ZNF365: variants seen among roughly 807,000 people sequenced by gnomAD.
ZNF365 encodes zinc finger protein 365.
A neutral mutation model predicts 35.0 loss-of-function variants in ZNF365; 22 were observed. That is an observed-to-expected ratio of 0.63 (90% CI 0.45 to 0.90). The LOEUF is 0.90. Ranked by LOEUF, ZNF365 falls within the 40% of genes least tolerant of loss-of-function variation. ZNF365 has a pLI of 0.00. For missense variants in ZNF365, 448 were observed against 500.3 expected (o/e 0.90, Z 1.00); for synonymous variants, 188 against 196.2 (o/e 0.96, Z 0.35).
intron 3 of ZNF365, among the ~76,000 whole-genome samples, chr10:62,397,375 C>G (rs959793784): frequency 6.6e-6 from 1 of 152,094 alleles, no homozygotes; most frequent in Admixed American, 6.5e-5. Context: ...CATTTTAGTA[C>G]AGCAGGGACA....
At chr10:62,437,911 T>G (rs1426935954) in intron 3 of ZNF365, among the ~76,000 whole-genome samples, 2 of 152,170 alleles carry the variant, frequency 1.3e-5, no homozygotes, top group African/African-American at 4.8e-5. Context: ...TGAGATTTGG[T>G]TTGATGAGTT....
chr10:62,398,081 C>G (rs1044125574), intron 3 of ZNF365, among the ~76,000 whole-genome samples: 1 of 152,178 alleles, frequency 6.6e-6, no homozygotes, highest in African/African-American at 2.4e-5. Context: ...TTCGATCCAG[C>G]AATCCCTCTA....
chr10:62,429,800 G>A (rs976469544), intron 3 of ZNF365, among the ~76,000 whole-genome samples: 2 of 152,164 alleles, frequency 1.3e-5, no homozygotes, highest in African/African-American at 4.8e-5. Flanking sequence ...ACTGAAGCTA[G>A]ATGTTTTGCC....
chr10:62,383,994 T>C (rs2132413471), intron 2 of ZNF365, among the ~76,000 whole-genome samples: 1 of 152,286 alleles, frequency 6.6e-6, no homozygotes, highest in South Asian at 2.1e-4. Flanking sequence ...ATAATGAGCT[T>C]CAAGGTCAGT....
intron 3 of ZNF365, among the ~76,000 whole-genome samples, chr10:62,427,412 T>G (rs1023029764): frequency 7.9e-5 from 12 of 152,180 alleles, no homozygotes; most frequent in Admixed American, 6.5e-4. Flanking sequence ...CCACATACCC[T>G]AGGAATGTAG....
chr10:62,379,532 A>G (rs1373345539), intron 2 of ZNF365, among the ~76,000 whole-genome samples: 1 of 151,804 alleles, frequency 6.6e-6, no homozygotes, highest in Non-Finnish European at 1.5e-5. Context: ...CTTTCTGTAC[A>G]TAAAGTGGGA....
Position 62,433,452 on chromosome 10 carries a change from A to C in ZNF365, c.925-26289A>C, listed in dbSNP as rs144346086. 1.8e-4 allele frequency among the ~76,000 whole-genome samples: 28 copies of C among 152,358 alleles called. No homozygotes were observed. In the East Asian group the frequency reaches 5.2e-3, roughly 28 times the overall value. ...AAACAGAGAATATGATGTCCTTCTT[A>C]GGAAAACCACACAAATTGCTCATGC... On this transcript the variant is annotated intron_variant, in intron 3 of 4. Transcript: ENST00000395255.
At chr10:62,388,366 C>G (rs3852424) in intron 2 of ZNF365, 30 bp from the exon 3 acceptor site, 2 of 1,613,484 alleles carry the variant, frequency 1.2e-6, no homozygotes, top group South Asian at 1.1e-5. Flanking sequence ...TTATATTTCC[C>G]TTTTGTGTTC....
chr10:62,385,727 T>C lies in ZNF365; in HGVS notation c.744-2669T>C, dbSNP rs770343829. ...CAACAAATACTTATTCAATATTGTGTGTCAAACACAAATGTGTTGAGTGCT... is the reference window on the plus strand; with the variant it reads ...CAACAAATACTTATTCAATATTGTGCGTCAAACACAAATGTGTTGAGTGCT... On this transcript the variant is annotated intron_variant, in intron 2 of 4. Transcript: ENST00000395254. 2.6e-5 allele frequency among the ~76,000 whole-genome samples: 4 copies of C among 152,226 alleles called. No individual in the cohort carries two copies. In the South Asian group the frequency reaches 8.3e-4, roughly 31 times the overall value.
intron 3 of ZNF365, among the ~76,000 whole-genome samples, chr10:62,411,719 C>T (rs568505781): frequency 2.0e-5 from 3 of 152,110 alleles, no homozygotes; most frequent in South Asian, 2.1e-4. Context: ...CATGGTGACT[C>T]CAGCTTTGTT....
exon 5 of ZNF365, chr10:62,480,022 T>C (rs1375439693): frequency 1.4e-6 from 2 of 1,470,862 alleles, no homozygotes; most frequent in East Asian, 2.5e-5. Context: ...CCAGGAACTT[T>C]ACAAGAAACT....
At chr10:62,467,788 T>C (rs1014615105) in intron 4 of ZNF365, among the ~76,000 whole-genome samples, 2 of 152,186 alleles carry the variant, frequency 1.3e-5, no homozygotes, top group Non-Finnish European at 2.9e-5. Context: ...TGCTTGCTTT[T>C]GATGCTTAAA....
intron 2 of ZNF365, among the ~76,000 whole-genome samples, chr10:62,382,707 A>G (rs1383408783): frequency 6.6e-6 from 1 of 152,210 alleles, no homozygotes; most frequent in African/African-American, 2.4e-5. Context: ...GGTGCCGGAA[A>G]GAGAGCGCAG....
downstream of ZNF365, among the ~76,000 whole-genome samples, chr10:62,404,488 G>A (rs1317480189): frequency 2.6e-5 from 4 of 152,130 alleles, no homozygotes; most frequent in Admixed American, 2.0e-4. Context: ...TATTTCCTTT[G>A]AGTACTACTT....
intron 3 of ZNF365, among the ~76,000 whole-genome samples, chr10:62,457,063 A>G (rs1361111203): frequency 6.6e-6 from 1 of 152,142 alleles, no homozygotes; most frequent in African/African-American, 2.4e-5. Flanking sequence ...CTTCTGGGCT[A>G]GTGTAGCTCA....
At chr10:62,454,936 C>T (rs2132476223) in intron 3 of ZNF365, among the ~76,000 whole-genome samples, 1 of 152,242 alleles carries the variant, frequency 6.6e-6, no homozygotes, top group Middle Eastern at 3.4e-3. Context: ...CAAAGTTAGG[C>T]ACATCTTGTG....
At chr10:62,412,263 AC>A (rs150732513) in intron 3 of ZNF365, among the ~76,000 whole-genome samples, 3,477 of 152,242 alleles carry the variant, frequency 0.023, 72 homozygotes, top group East Asian at 0.078. Context: ...CTCTAAATAA[AC>A]TAGATATTGA....
rs144732937 is a variant in ZNF365, at chr10:62,375,862, T to C, written c.-13-319T>C. On this transcript the variant is annotated intron_variant, in intron 1 of 4. Coordinates refer to ENST00000395254, the MANE Select transcript of ZNF365 (RefSeq NM_014951.3). ...TGTTACCCACCTTTTTGATTCTAGG[T>C]AGGAGTTGGCAAACTTTTTCTGTAA... 7.4e-4 allele frequency: 177 copies of C among 240,288 alleles called. 2 individuals carry two copies. In the East Asian group the frequency reaches 0.017, roughly 23 times the overall value. The allele number at this position is 240,288 out of a possible 1,614,324, so 14.9% of individuals were successfully genotyped here.
At chr10:62,406,581 G>A (rs1422361345), downstream of ZNF365, among the ~76,000 whole-genome samples, 2 of 152,104 alleles carry the variant, frequency 1.3e-5, no homozygotes, top group African/African-American at 4.8e-5. Context: ...CCTCAGATAT[G>A]CTAAAAAAGA....
Sources: allele counts gnomAD v4.1 joint callset (sites outside exome capture counted in the v4.1 genomes callset), GRCh38; gene constraint gnomAD v4.1.1; transcripts MANE v1.5; gene names NCBI Gene and HGNC (gene_info 2026-07-23, HGNC 2026-07-21).